The following ZNF148 variants were observed in gnomAD, a reference collection of about 807,000 sequenced individuals.
The protein encoded by ZNF148 is zinc finger protein 148, also known as Beta-Enolase Repressor Factor-1.
ZNF148 carries 7 observed loss-of-function variants against 67.7 expected under a neutral mutation model. The observed-to-expected ratio is 0.10, with a 90% CI of 0.06 to 0.19. ZNF148 has a LOEUF of 0.19. Among genes scored for constraint, ZNF148 ranks in the 10% least tolerant of loss-of-function variants. The pLI, the probability that ZNF148 is intolerant of heterozygous loss-of-function variation, is 1.00. For synonymous variants in ZNF148, 333 were observed against 330.7 expected, an observed-to-expected ratio of 1.01 and a Z score of -0.08; for missense variants, 583 against 947.1, an observed-to-expected ratio of 0.62 and a Z score of 5.05.
intron 7 of ZNF148, 36 bp from the exon 8 acceptor site, chr3:125,234,365 A>G: frequency 7.3e-7 from 1 of 1,369,436 alleles, no homozygotes; most frequent in Non-Finnish European, 1.0e-6. Flanking sequence ...AACAAAACAA[A>G]TATTGTAAAA....
Position 125,226,969 on chromosome 3 carries a change from G to T in ZNF148, c.*5372C>A, listed in dbSNP as rs1431767732. On this transcript the variant is annotated 3_prime_UTR_variant, in exon 9 of 9. Transcript: ENST00000360647. ...AAATTTAGTGCTCCTATTTTTTGGGGGAGAGGGGAAGGAAAGACCCATTTT... is the reference window on the plus strand; with the variant it reads ...AAATTTAGTGCTCCTATTTTTTGGGTGAGAGGGGAAGGAAAGACCCATTTT... The T allele has an allele frequency of 6.6e-6, 1 of 151,988 alleles. No individual in the cohort carries two copies. The highest frequency in any genetic ancestry group is 1.9e-4 in the East Asian group (1 of 5,190). 9.4% of individuals were successfully genotyped at this position (151,988 alleles called of 1,614,324 possible). A position where few individuals can be genotyped will look rare whatever the true frequency, so the allele number is the denominator to read the frequency against.
chr3:125,250,556 G>GT (rs1936794961), intron 7 of ZNF148, among the ~76,000 whole-genome samples: 1 of 152,034 alleles, frequency 6.6e-6, no homozygotes, highest in Non-Finnish European at 1.5e-5. Context: ...ATTTTCTATA[G>GT]TTAAAAAAAA....
chr3:125,327,476 C>T (rs1941081195), intron 2 of ZNF148, among the ~76,000 whole-genome samples: 2 of 152,242 alleles, frequency 1.3e-5, no homozygotes, highest in African/African-American at 4.8e-5. Flanking sequence ...AGGCCACACG[C>T]GGGGCCATAA....
At chr3:125,239,223 T>TA (rs1936235767) in intron 7 of ZNF148, among the ~76,000 whole-genome samples, 1 of 152,134 alleles carries the variant, frequency 6.6e-6, no homozygotes, top group South Asian at 2.1e-4. Flanking sequence ...GGTATGGTTG[T>TA]AAAAAAGTGA....
chr3:125,348,405 C>T (rs912191082), intron 1 of ZNF148, among the ~76,000 whole-genome samples: 5 of 147,632 alleles, frequency 3.4e-5, no homozygotes, highest in Non-Finnish European at 5.9e-5. Context: ...CACTCGGGCC[C>T]GAGACGCCAA....
chr3:125,296,580 C>T (rs1002047584), intron 4 of ZNF148, among the ~76,000 whole-genome samples: 2 of 152,158 alleles, frequency 1.3e-5, no homozygotes, highest in Admixed American at 6.6e-5. Context: ...TCATACACTA[C>T]TAGAGGGTCA....
chr3:125,256,315 C>G (rs990453384), intron 7 of ZNF148, among the ~76,000 whole-genome samples: 20 of 149,876 alleles, frequency 1.3e-4, no homozygotes, highest in Admixed American at 2.0e-4. Context: ...TTGCAGTGAG[C>G]CGAGACAGCA....
intron 4 of ZNF148, among the ~76,000 whole-genome samples, chr3:125,305,791 CAAAA>C (rs778876630): frequency 2.4e-5 from 2 of 81,984 alleles, no homozygotes; most frequent in Non-Finnish European, 2.6e-5. Context: ...CCAGCACGGG[CAAAA>C]AAAAAAAAAA....
chr3:125,354,101 C>T (rs1046122640), intron 1 of ZNF148, among the ~76,000 whole-genome samples: 3 of 151,958 alleles, frequency 2.0e-5, no homozygotes, highest in Non-Finnish European at 4.4e-5. Context: ...TCTCTTGATT[C>T]CATTTTTCTT....
At chr3:125,302,471 T>C (rs1490448480) in intron 4 of ZNF148, among the ~76,000 whole-genome samples, 1 of 152,010 alleles carries the variant, frequency 6.6e-6, no homozygotes, top group East Asian at 1.9e-4. Context: ...CAGGAACCCA[T>C]AAGTAAGAAG....
At chr3:125,251,508 C>T (rs1936841351) in intron 7 of ZNF148, among the ~76,000 whole-genome samples, 2 of 152,204 alleles carry the variant, frequency 1.3e-5, no homozygotes, top group African/African-American at 4.8e-5. Flanking sequence ...AGCACCTCCA[C>T]CCCTTTTCTC....
At chr3:125,308,610 T>C (rs577430605) in intron 4 of ZNF148, among the ~76,000 whole-genome samples, 3 of 150,858 alleles carry the variant, frequency 2.0e-5, no homozygotes, top group African/African-American at 7.3e-5. Flanking sequence ...CACTACAGTA[T>C]TACAAAAGAA....
chr3:125,315,567 G>A (rs754101606), intron 3 of ZNF148, among the ~76,000 whole-genome samples: 7 of 151,742 alleles, frequency 4.6e-5, no homozygotes, highest in African/African-American at 9.7e-5. Flanking sequence ...AAATTAGCTG[G>A]GCATGATGGT....
At chr3:125,338,179 A>G (rs1042505132) in intron 1 of ZNF148, among the ~76,000 whole-genome samples, 1 of 152,194 alleles carries the variant, frequency 6.6e-6, no homozygotes, top group Non-Finnish European at 1.5e-5. Context: ...CACCACAGGT[A>G]AGGTCATTTT....
chr3:125,344,084 A>C (rs1941845286), intron 1 of ZNF148: 1 of 183,934 alleles, frequency 5.4e-6, no homozygotes, highest in Non-Finnish European at 1.1e-5. Flanking sequence ...AAATTACTTG[A>C]GTTACCCAAG....
chr3:125,255,008 G>A (rs1937009018), intron 7 of ZNF148, among the ~76,000 whole-genome samples: 1 of 151,870 alleles, frequency 6.6e-6, no homozygotes, highest in Non-Finnish European at 1.5e-5. Context: ...TGATTATACA[G>A]AAATGAATTA....
intron 1 of ZNF148, among the ~76,000 whole-genome samples, chr3:125,340,370 G>C (rs1019844619): frequency 2.6e-5 from 4 of 152,200 alleles, no homozygotes; most frequent in Admixed American, 1.3e-4. Flanking sequence ...TCCACCTAGA[G>C]ACAGAGAGGC....
rs76596412 is a variant in ZNF148 at position 125,342,749 on chromosome 3, T to C, written c.-233-11511A>G. ...TATAGGTATAAACAAGACTTTTTCTTGGTTAGTTTTATAAATCATATTACA... is the reference window on the plus strand; with the variant it reads ...TATAGGTATAAACAAGACTTTTTCTCGGTTAGTTTTATAAATCATATTACA... On this transcript the variant is annotated intron_variant, in intron 1 of 8. Transcript: ENST00000360647. Among the ~76,000 whole-genome samples the C allele has an allele frequency of 4.9e-3, 751 of 152,322 alleles. 4 individuals are homozygous for C. Among genetic ancestry groups the C allele is most frequent in the African/African-American group, 0.017 (706 of 41,580 alleles).
At chr3:125,310,084 T>C (rs2107667543) in intron 4 of ZNF148, among the ~76,000 whole-genome samples, 1 of 151,666 alleles carries the variant, frequency 6.6e-6, no homozygotes, top group East Asian at 1.9e-4. Context: ...TTTTTTTTTT[T>C]TTTTTTTTTT....
Sources: gnomAD v4.1 joint callset for allele counts (sites outside exome capture counted in the v4.1 genomes callset) on GRCh38, gnomAD v4.1.1 for gene constraint, MANE v1.5 for transcripts, NCBI Gene and HGNC (gene_info 2026-07-23, HGNC 2026-07-21) for gene names.